ULK4: variants seen among roughly 807,000 people sequenced by gnomAD.
ULK4 encodes unc-51 like kinase 4.
Under a neutral mutation model 160.6 loss-of-function variants are expected in ULK4, and 133 were observed. The ratio of observed to expected loss-of-function variants is 0.83; its 90% CI spans 0.72 to 0.96. ULK4 has a LOEUF of 0.96. ULK4 is among the 40% of genes least tolerant of loss of function. The pLI is 0.00. For missense variants in ULK4, 1,580 were observed against 1,499.5 expected, an observed-to-expected ratio of 1.05 and a Z score of -0.89; for synonymous variants, 534 against 539.8, an observed-to-expected ratio of 0.99 and a Z score of 0.15.
intron 35 of ULK4, among the ~76,000 whole-genome samples, chr3:41,284,157 T>C (rs924873935): frequency 1.3e-5 from 2 of 152,168 alleles, no homozygotes; most frequent in African/African-American, 4.8e-5. Context: ...ATTGTGGAAA[T>C]GACCATACTG....
intron 30 of ULK4, among the ~76,000 whole-genome samples, chr3:41,643,193 T>C (rs543594077): frequency 1.3e-5 from 2 of 152,286 alleles, no homozygotes; most frequent in South Asian, 4.2e-4. Context: ...CCCTTTAGTT[T>C]AATTAGATCC....
intron 17 of ULK4, among the ~76,000 whole-genome samples, chr3:41,865,186 T>A (rs2042588201): frequency 7.6e-6 from 1 of 131,146 alleles, no homozygotes; most frequent in South Asian, 2.5e-4. Flanking sequence ...GGCAGGAAAA[T>A]CACTTGAACC....
intron 17 of ULK4, among the ~76,000 whole-genome samples, chr3:41,866,843 GA>G (rs1696904519): frequency 6.6e-6 from 1 of 152,156 alleles, no homozygotes; most frequent in African/African-American, 2.4e-5. Context: ...ATCAGTTCCA[GA>G]AAGTTCTGTT....
intron 35 of ULK4, among the ~76,000 whole-genome samples, chr3:41,318,417 G>T (rs6789086): frequency 0.08 from 12,183 of 152,168 alleles, 1,228 homozygotes; most frequent in African/African-American, 0.23. Context: ...TTTAAATTCA[G>T]TAAGTAGGCA....
chr3:41,729,178 C>G (rs1363552037), intron 22 of ULK4, among the ~76,000 whole-genome samples: 1 of 152,228 alleles, frequency 6.6e-6, no homozygotes, highest in African/African-American at 2.4e-5. Context: ...TCCAAATACT[C>G]TGCTCTCTGC....
intron 32 of ULK4, among the ~76,000 whole-genome samples, chr3:41,533,385 A>G (rs2125942936): frequency 6.6e-6 from 1 of 152,316 alleles, no homozygotes; most frequent in African/African-American, 2.4e-5. Context: ...CTGTGGGAGC[A>G]GCAGCCTCAA....
intron 22 of ULK4, among the ~76,000 whole-genome samples, chr3:41,740,618 T>G (rs2038208974): frequency 6.6e-6 from 1 of 151,962 alleles, no homozygotes; most frequent in African/African-American, 2.4e-5. Context: ...GAAAATGTGC[T>G]GAAATGTAAA....
intron 31 of ULK4, among the ~76,000 whole-genome samples, chr3:41,596,797 T>G (rs2031725298): frequency 6.6e-6 from 1 of 152,106 alleles, no homozygotes; most frequent in Non-Finnish European, 1.5e-5. Context: ...GGATGGACCA[T>G]TCATATGAAA....
intron 32 of ULK4, among the ~76,000 whole-genome samples, chr3:41,473,397 C>T (rs1053183027): frequency 2.0e-5 from 3 of 151,994 alleles, no homozygotes; most frequent in Non-Finnish European, 4.4e-5. Flanking sequence ...CACAGTGGCT[C>T]ACGCCTGTAA....
intron 5 of ULK4, among the ~76,000 whole-genome samples, chr3:41,920,294 C>G (rs1241788528): frequency 6.6e-6 from 1 of 152,204 alleles, no homozygotes; most frequent in African/African-American, 2.4e-5. Context: ...TAACTGAACA[C>G]TGGCTCCTAA....
intron 35 of ULK4, among the ~76,000 whole-genome samples, chr3:41,355,592 G>T (rs1002620594): frequency 6.6e-6 from 1 of 152,106 alleles, no homozygotes; most frequent in African/African-American, 2.4e-5. Context: ...AAATCAAACT[G>T]TATAATCAGC....
At chr3:41,370,507 C>A (rs916186335) in intron 35 of ULK4, among the ~76,000 whole-genome samples, 1 of 152,172 alleles carries the variant, frequency 6.6e-6, no homozygotes, top group African/African-American at 2.4e-5. Flanking sequence ...GCCCACGGAG[C>A]ACAAGCCAAA....
At chr3:41,544,771 GA>G (rs2086803854) in intron 32 of ULK4, among the ~76,000 whole-genome samples, 1 of 152,186 alleles carries the variant, frequency 6.6e-6, no homozygotes, top group African/African-American at 2.4e-5. Flanking sequence ...AGGGAGGTAT[GA>G]GACAGGTCAA....
intron 21 of ULK4, among the ~76,000 whole-genome samples, chr3:41,777,820 G>C (rs999614429): frequency 7.0e-6 from 1 of 141,894 alleles, no homozygotes; most frequent in Non-Finnish European, 1.5e-5. Flanking sequence ...TTTTACATTT[G>C]CTGAGGAGAG....
intron 16 of ULK4, among the ~76,000 whole-genome samples, 176 bp from the exon 17 acceptor site, chr3:41,884,128 C>T (rs561007315): frequency 5.6e-4 from 85 of 152,132 alleles, no homozygotes; most frequent in Admixed American, 2.0e-3. Context: ...AACTCTCCCT[C>T]GTATACTTAG....
intron 19 of ULK4, 26 bp downstream of exon 19, chr3:41,819,393 CATCT>C: frequency 6.2e-7 from 1 of 1,600,368 alleles, no homozygotes; most frequent in South Asian, 1.1e-5. Flanking sequence ...CAATTGCCAG[CATCT>C]ACAGAGGACA....
intron 22 of ULK4, among the ~76,000 whole-genome samples, chr3:41,740,547 T>A (rs77639572): frequency 6.6e-6 from 1 of 151,916 alleles, no homozygotes; most frequent in Non-Finnish European, 1.5e-5. Flanking sequence ...TTTTATCTGA[T>A]CTTGACAGCT....
intron 30 of ULK4, among the ~76,000 whole-genome samples, chr3:41,646,680 C>T (rs1465688703): frequency 1.3e-5 from 2 of 152,238 alleles, no homozygotes; most frequent in East Asian, 1.9e-4. Flanking sequence ...CTTGGAGTTG[C>T]TCTTCTCAAG....
intron 30 of ULK4, among the ~76,000 whole-genome samples, chr3:41,633,570 G>A (rs1489892453): frequency 2.0e-5 from 3 of 152,106 alleles, no homozygotes; most frequent in Non-Finnish European, 2.9e-5. Context: ...GTAAAGCAAT[G>A]TCATTACCAG....
Sources: allele counts gnomAD v4.1 joint callset (sites outside exome capture counted in the v4.1 genomes callset), GRCh38; gene constraint gnomAD v4.1.1; transcripts MANE v1.5; gene names NCBI Gene and HGNC (gene_info 2026-07-23, HGNC 2026-07-21).